Variants in ASIP observed in about 807,000 individuals in gnomAD.
The protein encoded by ASIP is agouti-signaling protein.
Under a neutral mutation model 10.3 loss-of-function variants are expected in ASIP, and 11 were observed. The ratio of observed to expected loss-of-function variants is 1.07; its 90% CI spans 0.68 to 1.78. The LOEUF is 1.78. ASIP is among the 40% of genes most tolerant of loss of function. The probability of loss-of-function intolerance (pLI) is 0.00; values close to 1 mark genes in which losing one functional copy is unlikely to be tolerated. For missense variants in ASIP, 180 were observed against 169.2 expected, an observed-to-expected ratio of 1.06 and a Z score of -0.35; for synonymous variants, 70 against 70.8, an observed-to-expected ratio of 0.99 and a Z score of 0.06.
At chr20:34,201,049 T>TTTCTTTCTTTCTTTC (rs1568744554) in intron 1 of ASIP, among the ~76,000 whole-genome samples, 1 of 124,886 alleles carries the variant, frequency 8.0e-6, no homozygotes, top group East Asian at 2.2e-4. Context: ...TCTTTCTTTC[T>TTTCTTTCTTTCTTTC]TTCTTTCTTT....
Position 34,216,029 on chromosome 20 carries a change from C to T in ASIP, c.-11+21269C>T, listed in dbSNP as rs561976880. ...CCATGGTCAGCCAGCGGAACGGAGCCGAGCGGCGCAGCTCGCAGAGAGCTG... is the reference window on the plus strand; with the variant it reads ...CCATGGTCAGCCAGCGGAACGGAGCTGAGCGGCGCAGCTCGCAGAGAGCTG... On this transcript the variant is annotated intron_variant, in intron 1 of 3. Transcript: ENST00000568305. 7.6e-5 allele frequency: 50 copies of T among 654,252 alleles called. 1 individual carries two copies. The South Asian group carries it at 7.7e-4, about 10-fold the overall frequency. The allele number at this position is 654,252 out of a possible 1,614,324, so 40.5% of individuals were successfully genotyped here.
chr20:34,218,512 AG>A (rs2122560336), intron 1 of ASIP, among the ~76,000 whole-genome samples: 1 of 152,286 alleles, frequency 6.6e-6, no homozygotes, highest in African/African-American at 2.4e-5. Context: ...AGCAGCATGC[AG>A]GTCTTATAGC....
chr20:34,264,133 A>T (rs952747942), intron 3 of ASIP, among the ~76,000 whole-genome samples: 2 of 152,248 alleles, frequency 1.3e-5, no homozygotes, highest in Admixed American at 1.3e-4. Context: ...TACAATATAC[A>T]TAAATCTATT....
intron 1 of ASIP, among the ~76,000 whole-genome samples, chr20:34,233,729 C>T (rs1163762577): frequency 1.3e-5 from 2 of 152,172 alleles, no homozygotes; most frequent in Non-Finnish European, 2.9e-5. Flanking sequence ...AGTATTATCA[C>T]CATCCAGAAA....
At chr20:34,245,321 G>A (rs1389330744) in intron 1 of ASIP, among the ~76,000 whole-genome samples, 2 of 140,908 alleles carry the variant, frequency 1.4e-5, no homozygotes, top group African/African-American at 2.7e-5. Flanking sequence ...GCGACAGTGT[G>A]AGACTCTGTC....
chr20:34,254,608 T>G (rs2035538199), intron 1 of ASIP, among the ~76,000 whole-genome samples: 1 of 152,236 alleles, frequency 6.6e-6, no homozygotes, highest in African/African-American at 2.4e-5. Flanking sequence ...GTATTCATCC[T>G]GCCTATTATG....
chr20:34,216,265 G>A (rs1238958401), intron 1 of ASIP, among the ~76,000 whole-genome samples: 1 of 152,198 alleles, frequency 6.6e-6, no homozygotes, highest in Non-Finnish European at 1.5e-5. Flanking sequence ...CGCCGCCGCC[G>A]TCGCCGCTGA....
intron 1 of ASIP, among the ~76,000 whole-genome samples, chr20:34,221,174 C>T (rs923117637): frequency 6.6e-6 from 1 of 151,496 alleles, no homozygotes; most frequent in Non-Finnish European, 1.5e-5. Context: ...GTCAGGAGAT[C>T]GAGACCATCC....
At chr20:34,239,923 G>T (rs2035262158), upstream of ASIP, among the ~76,000 whole-genome samples, 1 of 152,166 alleles carries the variant, frequency 6.6e-6, no homozygotes, top group South Asian at 2.1e-4. Context: ...TATCCAGGAA[G>T]CAATACATTG....
chr20:34,253,628 A>C (rs1262201271), intron 1 of ASIP, among the ~76,000 whole-genome samples: 1 of 151,328 alleles, frequency 6.6e-6, no homozygotes, highest in Non-Finnish European at 1.5e-5. Flanking sequence ...TGCACCACCA[A>C]GCCTGGCTAA....
intron 1 of ASIP, among the ~76,000 whole-genome samples, chr20:34,206,832 G>C (rs114776435): frequency 1.3e-5 from 2 of 152,226 alleles, no homozygotes; most frequent in Admixed American, 6.5e-5. Flanking sequence ...CACCTGCCTC[G>C]ACCTCACAAA....
chr20:34,225,836 C>T (rs981578312), intron 1 of ASIP, among the ~76,000 whole-genome samples: 2 of 151,360 alleles, frequency 1.3e-5, no homozygotes, highest in African/African-American at 4.9e-5. Flanking sequence ...TTCTTGTTGG[C>T]ATATACAAAA....
At chr20:34,208,997 A>G (rs2034955622) in intron 1 of ASIP, among the ~76,000 whole-genome samples, 1 of 152,184 alleles carries the variant, frequency 6.6e-6, no homozygotes, top group African/African-American at 2.4e-5. Context: ...ATCAGTTCCA[A>G]TAGGGTTTTG....
chr20:34,248,458 G>T (rs1284833370), intron 1 of ASIP, among the ~76,000 whole-genome samples: 1 of 152,154 alleles, frequency 6.6e-6, no homozygotes, highest in Admixed American at 6.6e-5. Context: ...GGAAATCATT[G>T]TCTATTTTCA....
At chr20:34,265,657 TAAGTA>T (rs2035771337) in intron 3 of ASIP, among the ~76,000 whole-genome samples, 1 of 150,554 alleles carries the variant, frequency 6.6e-6, no homozygotes. Context: ...ACTATAAAAA[TAAGTA>T]AAGTTGGCCG....
chr20:34,218,881 T>C (rs2122560772), intron 1 of ASIP, among the ~76,000 whole-genome samples: 1 of 152,232 alleles, frequency 6.6e-6, no homozygotes, highest in East Asian at 1.9e-4. Context: ...GCCAGGATGG[T>C]CTCGATCTCC....
At chr20:34,195,637 A>G (rs529000662) in intron 1 of ASIP, among the ~76,000 whole-genome samples, 133 of 152,326 alleles carry the variant, frequency 8.7e-4, no homozygotes, top group Non-Finnish European at 1.8e-3. Context: ...ACATTTACCT[A>G]AAAGTGACAA....
intron 1 of ASIP, among the ~76,000 whole-genome samples, chr20:34,201,032 CTT>C (rs1555820878): frequency 1.0e-5 from 1 of 97,012 alleles, no homozygotes; most frequent in Non-Finnish European, 2.0e-5. Context: ...TTCTTTCTTT[CTT>C]TCTTTCTTTC....
upstream of ASIP, among the ~76,000 whole-genome samples, chr20:34,192,969 G>A (rs1285564114): frequency 2.6e-5 from 4 of 152,080 alleles, no homozygotes; most frequent in Admixed American, 1.3e-4. Context: ...CCAACTCTAC[G>A]CTTTTATTTT....
Sources: gnomAD v4.1 joint callset for allele counts (sites outside exome capture counted in the v4.1 genomes callset) on GRCh38, gnomAD v4.1.1 for gene constraint, MANE v1.5 for transcripts, NCBI Gene and HGNC (gene_info 2026-07-23, HGNC 2026-07-21) for gene names.